The following HORMAD2 variants were observed in gnomAD, a reference collection of about 807,000 sequenced individuals.
HORMAD2 encodes the protein HORMA domain-containing protein 2.
Under a neutral mutation model 38.8 loss-of-function variants are expected in HORMAD2, and 45 were observed. The observed-to-expected ratio is 1.16, with a 90% confidence interval of 0.91 to 1.49. HORMAD2 has a LOEUF of 1.49. Ranked by LOEUF, HORMAD2 falls within the 40% of genes most tolerant of loss-of-function variation. The pLI, the probability that HORMAD2 is intolerant of heterozygous loss-of-function variation, is 0.00. For synonymous variants in HORMAD2, 126 were observed against 122.8 expected, an observed-to-expected ratio of 1.03 and a Z score of -0.17; for missense variants, 338 against 367.0, an observed-to-expected ratio of 0.92 and a Z score of 0.65.
chr22:30,202,429 G>A, the HORMAD2 span, among the ~76,000 whole-genome samples: 3 of 150,128 alleles, frequency 2.0e-5, no homozygotes, highest in South Asian at 2.1e-4. Context: ...AGCTTACATC[G>A]GAGGAATGGA....
At chr22:30,155,204 T>TGATTAAGGTGGTGTCTGCCAGC (rs1471861434) in intron 10 of HORMAD2, among the ~76,000 whole-genome samples, 3 of 152,176 alleles carry the variant, frequency 2.0e-5, no homozygotes, top group Admixed American at 1.3e-4. Flanking sequence ...TTTGGTCACT[T>TGATTAAGGTGGTGTCTGCCAGC]GATTAAGGTG....
At chr22:30,085,092 G>A (rs964328746) in intron 1 of HORMAD2, among the ~76,000 whole-genome samples, 1 of 151,478 alleles carries the variant, frequency 6.6e-6, no homozygotes, top group Admixed American at 6.6e-5. Context: ...CTTGCAGTGA[G>A]CCGAGATTGC....
At chr22:30,207,197 C>T in the HORMAD2 span, 2 of 428,156 alleles carry the variant, frequency 4.7e-6, no homozygotes, top group East Asian at 7.5e-5. Flanking sequence ...AGGTGAATGA[C>T]ACAATGTTTG....
chr22:30,081,916 A>C (rs1285486633), intron 1 of HORMAD2, among the ~76,000 whole-genome samples: 2 of 151,902 alleles, frequency 1.3e-5, no homozygotes, highest in Admixed American at 1.3e-4. Context: ...TTTAGGTTTA[A>C]ATCCATGATC....
At chr22:30,078,675 C>T (rs2068418831), upstream of HORMAD2, among the ~76,000 whole-genome samples, 1 of 115,248 alleles carries the variant, frequency 8.7e-6, no homozygotes, top group Non-Finnish European at 1.8e-5. Context: ...AACAGAATAA[C>T]GAATAACTGT....
intron 2 of HORMAD2, among the ~76,000 whole-genome samples, chr22:30,094,610 C>T (rs767559803): frequency 1.3e-5 from 2 of 151,896 alleles, no homozygotes; most frequent in African/African-American, 2.4e-5. Context: ...ATATACAAAG[C>T]GATATATGAT....
chr22:30,089,833 CCTT>C (rs1385553554), intron 1 of HORMAD2, among the ~76,000 whole-genome samples: 2 of 152,146 alleles, frequency 1.3e-5, no homozygotes, highest in East Asian at 1.9e-4. Context: ...ATTTCTAAAA[CCTT>C]CTCATCATCG....
At chr22:30,115,399 C>T (rs1460319817) in intron 7 of HORMAD2, among the ~76,000 whole-genome samples, 1 of 152,174 alleles carries the variant, frequency 6.6e-6, no homozygotes, top group African/African-American at 2.4e-5. Flanking sequence ...TGAGCCACTG[C>T]ACTTGGCCAA....
At chr22:30,160,475 G>C (rs934734532) in intron 10 of HORMAD2, among the ~76,000 whole-genome samples, 10 of 151,926 alleles carry the variant, frequency 6.6e-5, no homozygotes, top group Non-Finnish European at 1.5e-4. Flanking sequence ...AACTTGAAGA[G>C]GGTGATATCA....
intron 10 of HORMAD2, among the ~76,000 whole-genome samples, chr22:30,171,813 C>G (rs1311415067): frequency 6.6e-6 from 1 of 151,950 alleles, no homozygotes; most frequent in African/African-American, 2.4e-5. Flanking sequence ...TTTTTTTAAT[C>G]TGGGATCTGA....
the HORMAD2 span, among the ~76,000 whole-genome samples, chr22:30,182,337 G>A: frequency 6.6e-6 from 1 of 152,104 alleles, no homozygotes; most frequent in Non-Finnish European, 1.5e-5. Flanking sequence ...TTAGTTATGA[G>A]GTATCATCTG....
chr22:30,154,692 C>T (rs1447168069), intron 10 of HORMAD2, among the ~76,000 whole-genome samples: 1 of 152,156 alleles, frequency 6.6e-6, no homozygotes, highest in Non-Finnish European at 1.5e-5. Flanking sequence ...ATAGAACAGG[C>T]CACTTATTTT....
At chr22:30,106,775 A>G (rs1921232645) in intron 5 of HORMAD2, among the ~76,000 whole-genome samples, 1 of 152,210 alleles carries the variant, frequency 6.6e-6, no homozygotes, top group African/African-American at 2.4e-5. Flanking sequence ...TGCATATAAG[A>G]TGGGGATAAT....
the HORMAD2 span, among the ~76,000 whole-genome samples, chr22:30,193,889 C>G: frequency 5.9e-5 from 9 of 152,304 alleles, no homozygotes; most frequent in East Asian, 1.9e-4. Flanking sequence ...GTGAACCCCC[C>G]CTACCCTTCA....
intron 10 of HORMAD2, chr22:30,137,679 C>G: frequency 6.3e-6 from 1 of 159,018 alleles, no homozygotes; most frequent in Non-Finnish European, 1.4e-5. Context: ...TGCCAACTAC[C>G]ATGTGCTTTT....
intron 5 of HORMAD2, among the ~76,000 whole-genome samples, chr22:30,105,934 C>T (rs1448649053): frequency 6.6e-6 from 1 of 152,192 alleles, no homozygotes; most frequent in Admixed American, 6.5e-5. Context: ...TTCCAGGAGG[C>T]CAGCTCTAGA....
intron 1 of HORMAD2, among the ~76,000 whole-genome samples, chr22:30,088,837 T>C (rs1446537760): frequency 2.0e-5 from 3 of 151,982 alleles, no homozygotes; most frequent in Non-Finnish European, 4.4e-5. Context: ...TAGTGGGTAG[T>C]GTATTATGGT....
downstream of HORMAD2, chr22:30,177,088 C>G (rs1308620087): frequency 6.6e-6 from 1 of 150,730 alleles, no homozygotes; most frequent in Non-Finnish European, 1.5e-5. Context: ...TTTTTTTTTG[C>G]TCATCTTTTT....
chr22:30,199,247 C>T, the HORMAD2 span, among the ~76,000 whole-genome samples: 1 of 152,216 alleles, frequency 6.6e-6, no homozygotes, highest in African/African-American at 2.4e-5. Context: ...TAGATATGCA[C>T]AAGCATGCTA....
Sources: gnomAD v4.1 joint callset for allele counts (sites outside exome capture counted in the v4.1 genomes callset) on GRCh38, gnomAD v4.1.1 for gene constraint, MANE v1.5 for transcripts, NCBI Gene and HGNC (gene_info 2026-07-23, HGNC 2026-07-21) for gene names.